The following BRIP1 variants were observed in gnomAD, a reference collection of about 807,000 sequenced individuals.
The protein encoded by BRIP1 is BRCA1 interacting DNA helicase 1.
A neutral mutation model predicts 119.7 loss-of-function variants in BRIP1; 88 were observed. That is an observed-to-expected ratio of 0.74 (90% CI 0.62 to 0.88). BRIP1 has a LOEUF of 0.88. BRIP1 is among the 40% of genes least tolerant of loss of function. BRIP1 has a pLI of 0.00. For missense variants in BRIP1, 1,259 were observed against 1,455.4 expected (o/e 0.87, Z 2.20); for synonymous variants, 443 against 496.5 (o/e 0.89, Z 1.43).
rs577205954 is a variant in BRIP1 at position 61,857,768 on chromosome 17, A to C, written c.206-537T>G. ...TTTATAGGGAAATTATCACCCATTTATGTAATCTGTAAAAATCTAATAATC... is the reference window on the plus strand; with the variant it reads ...TTTATAGGGAAATTATCACCCATTTCTGTAATCTGTAAAAATCTAATAATC... On this transcript the variant is annotated intron_variant, in intron 3 of 19. Coordinates refer to ENST00000259008, the MANE Select transcript of BRIP1 (RefSeq NM_032043.3). The surrounding 1 kb of genome is among the most constrained non-coding windows in gnomAD (Gnocchi z 5.1). Among the ~76,000 whole-genome samples the C allele has an allele frequency of 6.6e-6, 1 of 152,156 alleles. No homozygotes were observed. The highest frequency in any genetic ancestry group is 2.4e-5 in the African/African-American group (1 of 41,444).
Position 61,862,881 on chromosome 17 carries a change from G to A in BRIP1, c.-31+403C>T, listed in dbSNP as rs369584101. Among the ~76,000 whole-genome samples the A allele has an allele frequency of 8.5e-5, 13 of 152,198 alleles. No individual in the cohort carries two copies. The South Asian group carries it at 2.7e-3, about 32-fold the overall frequency. ...GCTCTAACATTTTGCGATTCTATCT[G>A]TAAAGCTCTGAGAATGAGGTATGGT... On this transcript the variant is annotated intron_variant, in intron 1 of 19. Transcript: ENST00000259008. This position sits in a 1 kb window ranked among gnomAD's most constrained non-coding sequence, Gnocchi z 5.3.
At chr17:61,818,780 CT>C (rs1211301971) in intron 6 of BRIP1, among the ~76,000 whole-genome samples, 4 of 152,082 alleles carry the variant, frequency 2.6e-5, no homozygotes, top group Non-Finnish European at 4.4e-5. Context: ...ATAGACATTT[CT>C]CAAAAGATAT....
At chr17:61,839,662 T>C (rs2078628824) in intron 6 of BRIP1, among the ~76,000 whole-genome samples, 1 of 152,184 alleles carries the variant, frequency 6.6e-6, no homozygotes, top group African/African-American at 2.4e-5. Flanking sequence ...AATTGAGAGA[T>C]TTAACTTGTT....
intron 14 of BRIP1, among the ~76,000 whole-genome samples, chr17:61,763,314 G>A (rs184048050): frequency 2.7e-4 from 41 of 152,230 alleles, no homozygotes; most frequent in Admixed American, 2.7e-3. Context: ...ATGTGGGGAA[G>A]GTTGTGCATG....
At position 61,679,177 on chromosome 17, in the gene BRIP1, A is replaced by C. The variant is rs2061247616; in HGVS notation, c.*4119T>G. On this transcript the variant is annotated 3_prime_UTR_variant, in exon 20 of 20. Coordinates refer to ENST00000259008, the MANE Select transcript of BRIP1 (RefSeq NM_032043.3). The surrounding 1 kb of genome is among the most constrained non-coding windows in gnomAD (Gnocchi z 4.4). ...TTTTAATATAGGAAAGTAATACAAAAAAGTCCAGTTGCAGAAAAATAACGG... is the reference window on the plus strand; with the variant it reads ...TTTTAATATAGGAAAGTAATACAAACAAGTCCAGTTGCAGAAAAATAACGG... Among the ~76,000 whole-genome samples the C allele has an allele frequency of 6.6e-6, 1 of 152,232 alleles. No individual in the cohort carries two copies. The highest frequency in any genetic ancestry group is 1.5e-5 in the Non-Finnish European group (1 of 68,034).
rs1005840296 is a variant in BRIP1 at position 61,705,172 on chromosome 17, A to G, written c.2492+10779T>C. On this transcript the variant is annotated intron_variant, in intron 17 of 19. Coordinates refer to ENST00000259008, the MANE Select transcript of BRIP1 (RefSeq NM_032043.3). This position sits in a 1 kb window ranked among gnomAD's most constrained non-coding sequence, Gnocchi z 5.0. ...TGTACCCATTGTTTATCTCCCATTT[A>G]TAAGTGGGAACATATGGTATTTGGT... Among the ~76,000 whole-genome samples the G allele has an allele frequency of 3.3e-5, 5 of 152,108 alleles. No homozygotes were observed. The highest frequency in any genetic ancestry group is 6.6e-5 in the Admixed American group (1 of 15,264).
Position 61,705,780 on chromosome 17 carries a change from A to G in BRIP1, c.2492+10171T>C, listed in dbSNP as rs563117883. Among the ~76,000 whole-genome samples the G allele has an allele frequency of 2.0e-5, 3 of 152,038 alleles. No homozygotes were observed. Among genetic ancestry groups the G allele is most frequent in the Non-Finnish European group, 4.4e-5 (3 of 67,966 alleles). ...TTTTGATCAGTTCAAAATATTTTCT[A>G]ATTTTACTTGAAACTTGCTGTTTTG... On this transcript the variant is annotated intron_variant, in intron 17 of 19. Transcript: ENST00000259008. The surrounding 1 kb of genome is among the most constrained non-coding windows in gnomAD (Gnocchi z 5.0).
At chr17:61,779,480 C>T (rs1463373909) in intron 13 of BRIP1, among the ~76,000 whole-genome samples, 3 of 152,092 alleles carry the variant, frequency 2.0e-5, no homozygotes, top group South Asian at 4.2e-4. Context: ...ATGTGCCAGG[C>T]ATGGTGGCAT....
At chr17:61,715,691 T>C (rs2061848968) in intron 17 of BRIP1, among the ~76,000 whole-genome samples, 1 of 152,246 alleles carries the variant, frequency 6.6e-6, no homozygotes, top group Admixed American at 6.5e-5. Context: ...CTGAGCATCT[T>C]TGTGTGCTAT....
chr17:61,856,580 C>T lies in BRIP1; in HGVS notation c.379+478G>A, dbSNP rs2078899016. ...ATATATTATTAATAATCTTATGTTA[C>T]TCTTAATGTATTTCTCTAAAATTAG... On this transcript the variant is annotated intron_variant, in intron 4 of 19. Transcript: ENST00000259008. This position sits in a 1 kb window ranked among gnomAD's most constrained non-coding sequence, Gnocchi z 5.1. Among the ~76,000 whole-genome samples, 1 of 152,038 alleles carries T rather than the reference C, an allele frequency of 6.6e-6. No homozygotes were observed. The highest frequency in any genetic ancestry group is 2.1e-4 in the South Asian group (1 of 4,822).
At chr17:61,733,750 T>C (rs1415843054) in intron 16 of BRIP1, among the ~76,000 whole-genome samples, 3 of 152,172 alleles carry the variant, frequency 2.0e-5, no homozygotes, top group Admixed American at 2.0e-4. Flanking sequence ...CAGATCACTA[T>C]GCGAATTTTA....
chr17:61,808,546 T>A lies in BRIP1; in HGVS notation c.839A>T (p.Asp280Val). 6.2e-7 allele frequency: 1 copy of A among 1,613,612 alleles called. No individual in the cohort carries two copies. The highest frequency in any genetic ancestry group is 8.5e-7 in the Non-Finnish European group (1 of 1,179,562). The change falls in exon 7 of 20, where the codon GAT (aspartate) becomes GTT (valine). Residue 280 changes from aspartate (D) to valine (V), a missense_variant. Around this residue, in one of 3 missense-constraint regions of BRIP1, gnomAD observed 501 missense variants for 544.0 expected, o/e 0.92. Transcript: ENST00000259008. The surrounding 1 kb of genome is among the most constrained non-coding windows in gnomAD (Gnocchi z 4.1). ...GVPMTILSSR[D>V]HTCVHPEVVG... ...TACCTCAGGATGGACACAAGTATGA[T>A]CCCTGCTGGAAAGAATAGTCATTGG...
Position 61,841,184 on chromosome 17 carries a change from G to T in BRIP1, c.627+5917C>A, listed in dbSNP as rs2145698509. 6.6e-6 allele frequency among the ~76,000 whole-genome samples: 1 copy of T among 152,160 alleles called. No individual in the cohort carries two copies. Among genetic ancestry groups the T allele is most frequent in the Non-Finnish European group, 1.5e-5 (1 of 67,996 alleles). On this transcript the variant is annotated intron_variant, in intron 6 of 19. Coordinates refer to ENST00000259008, the MANE Select transcript of BRIP1 (RefSeq NM_032043.3). The surrounding 1 kb of genome is among the most constrained non-coding windows in gnomAD (Gnocchi z 4.1). ...AGATTTTATGGGTAAGAATTCAAAA[G>T]TACAGGCAACAAAAACAAAAATAGA... is the stretch of plus-strand genomic sequence containing the variant.
At position 61,683,237 on chromosome 17, in the gene BRIP1, A is replaced by C; in HGVS notation, c.*59T>G. ...ATTCAATTTACAAATTATTACTTAC[A>C]ACAGAGTTTAACATAAGCATGATGA... On this transcript the variant is annotated 3_prime_UTR_variant, in exon 20 of 20. Coordinates refer to ENST00000259008, the MANE Select transcript of BRIP1 (RefSeq NM_032043.3). This position sits in a 1 kb window ranked among gnomAD's most constrained non-coding sequence, Gnocchi z 4.7. The C allele has an allele frequency of 6.6e-7, 1 of 1,521,862 alleles. No individual in the cohort carries two copies. Among genetic ancestry groups the C allele is most frequent in the South Asian group, 1.2e-5 (1 of 84,288 alleles). 94.3% of individuals were successfully genotyped at this position (1,521,862 alleles called of 1,614,324 possible). A position where few individuals can be genotyped will look rare whatever the true frequency, so the allele number is the denominator to read the frequency against.
rs536262685 is a variant in BRIP1, at chr17:61,748,285, A to G, written c.2098-3694T>C. 4.3e-4 allele frequency among the ~76,000 whole-genome samples: 65 copies of G among 152,290 alleles called. No individual in the cohort carries two copies. Among genetic ancestry groups the G allele is most frequent in the African/African-American group, 1.6e-3 (65 of 41,568 alleles). ...AATGCCTGATGATCTGAGGTGGAAC[A>G]GTTTCATCCCGAAACCATCACCCCC... On this transcript the variant is annotated intron_variant, in intron 14 of 19. Transcript: ENST00000259008. This position sits in a 1 kb window ranked among gnomAD's most constrained non-coding sequence, Gnocchi z 4.7.
chr17:61,722,271 G>C lies in BRIP1; in HGVS notation c.2380-6208C>G, dbSNP rs986366029. Among the ~76,000 whole-genome samples the C allele has an allele frequency of 6.6e-6, 1 of 152,020 alleles. No homozygotes were observed. Among genetic ancestry groups the C allele is most frequent in the African/African-American group, 2.4e-5 (1 of 41,374 alleles). ...GTTAGCCAGGTGATCTTGATCTCCA[G>C]ACCTGGTGATCCCTCTGCCTCGGCT... is the stretch of plus-strand genomic sequence containing the variant. On this transcript the variant is annotated intron_variant, in intron 16 of 19. Coordinates refer to ENST00000259008, the MANE Select transcript of BRIP1 (RefSeq NM_032043.3). This position sits in a 1 kb window ranked among gnomAD's most constrained non-coding sequence, Gnocchi z 4.6.
rs2077885410 is a variant in BRIP1, at chr17:61,795,445, T to C, written c.1341-1716A>G. Among the ~76,000 whole-genome samples the C allele has an allele frequency of 6.6e-6, 1 of 152,036 alleles. No individual in the cohort carries two copies. Among genetic ancestry groups the C allele is most frequent in the Non-Finnish European group, 1.5e-5 (1 of 67,970 alleles). ...TGGTAAACCATCCTTCTACTCTCTA[T>C]CTCAATGGATTAAATTGTTTTCATT... On this transcript the variant is annotated intron_variant, in intron 9 of 19. Transcript: ENST00000259008. The surrounding 1 kb of genome is among the most constrained non-coding windows in gnomAD (Gnocchi z 5.6).
Position 61,767,440 on chromosome 17 carries a change from TTTTTG to T in BRIP1, c.2097+8956_2097+8960del, listed in dbSNP as rs2077389242. 6.6e-6 allele frequency among the ~76,000 whole-genome samples: 1 copy of T among 151,786 alleles called. No homozygotes were observed. The highest frequency in any genetic ancestry group is 1.5e-5 in the Non-Finnish European group (1 of 67,898). On this transcript the variant is annotated intron_variant, in intron 14 of 19. Transcript: ENST00000259008. The surrounding 1 kb of genome is among the most constrained non-coding windows in gnomAD (Gnocchi z 5.7). ...TCACAACACCACACCTGGCTGATATTTTTTGTTTTGTTTTTTTAAACACTGGGTCT... is the reference window on the plus strand; with the variant it reads ...TCACAACACCACACCTGGCTGATATTTTTTGTTTTTTTAAACACTGGGTCT...
chr17:61,759,210 G>A lies in BRIP1; in HGVS notation c.2098-14619C>T, dbSNP rs2077242021. 6.6e-6 allele frequency among the ~76,000 whole-genome samples: 1 copy of A among 151,976 alleles called. No individual in the cohort carries two copies. The highest frequency in any genetic ancestry group is 2.1e-4 in the South Asian group (1 of 4,834). ...GATTTGCTTTTAAGGATGCACAGAGGCTGAAAGTGAGCAGCTGAAAAAAGC... is the reference window on the plus strand; with the variant it reads ...GATTTGCTTTTAAGGATGCACAGAGACTGAAAGTGAGCAGCTGAAAAAAGC... On this transcript the variant is annotated intron_variant, in intron 14 of 19. Transcript: ENST00000259008. The surrounding 1 kb of genome is among the most constrained non-coding windows in gnomAD (Gnocchi z 4.9).
Sources: allele counts gnomAD v4.1 joint callset (sites outside exome capture counted in the v4.1 genomes callset), GRCh38; gene constraint gnomAD v4.1.1; regional missense constraint gnomAD v4.1.1; non-coding constraint Gnocchi (gnomAD v3.1); transcripts MANE v1.5; gene names NCBI Gene and HGNC (gene_info 2026-07-23, HGNC 2026-07-21).